The following CLASP2 variants were observed in gnomAD, a reference collection of about 807,000 sequenced individuals.
The protein encoded by CLASP2 is CLIP-associating protein 2.
CLASP2 carries 47 observed loss-of-function variants against 194.4 expected under a neutral mutation model. The observed-to-expected ratio is 0.24, with a 90% CI of 0.19 to 0.31. CLASP2 has a LOEUF of 0.31. CLASP2 is among the 10% of genes least tolerant of loss of function. The pLI, the probability that CLASP2 is intolerant of heterozygous loss-of-function variation, is 1.00. For missense variants in CLASP2, 1,445 were observed against 1,823.6 expected (o/e 0.79, Z 3.78); for synonymous variants, 619 against 633.5 (o/e 0.98, Z 0.34).
chr3:33,698,966 T>TA lies in CLASP2; in HGVS notation c.196-2034dup, dbSNP rs561243774. Among the ~76,000 whole-genome samples, 119 of 152,326 alleles carry TA rather than the reference T, an allele frequency of 7.8e-4. 1 individual carries two copies. In the East Asian group the frequency reaches 0.015, roughly 19 times the overall value. ...ACTGTGATTAATGTAGTAAATGTTC[T>TA]AGTTAAAAGAGCCAACAACATGCAG... On this transcript the variant is annotated intron_variant, in intron 1 of 38. Coordinates refer to ENST00000682230, the MANE Select transcript of CLASP2 (RefSeq NM_001365631.1).
In CLASP2 at chr3:33,715,847, TAAAAA is replaced by T. The variant is rs59528446; in HGVS notation, c.195+1956_195+1960del. 2.7e-3 allele frequency among the ~76,000 whole-genome samples: 170 copies of T among 62,178 alleles called. 1 individual carries two copies. Among genetic ancestry groups the T allele is most frequent in the Middle Eastern group, 0.014 (1 of 72 alleles). 40.8% of individuals were successfully genotyped at this position (62,178 alleles called of 152,430 possible). On this transcript the variant is annotated intron_variant, in intron 1 of 38. Transcript: ENST00000682230. ...TAAGTATGTTTTATTGTATCTTAAG[TAAAAA>T]AAAAAAAAAAAAAAAAAAAAAAAGA...
At chr3:33,655,531 T>G (rs1346486049) in intron 7 of CLASP2, among the ~76,000 whole-genome samples, 1 of 152,174 alleles carries the variant, frequency 6.6e-6, no homozygotes, top group Non-Finnish European at 1.5e-5. Flanking sequence ...GTAATTTACT[T>G]TTTCACCTTA....
chr3:33,586,767 A>G (rs541712285), intron 21 of CLASP2, among the ~76,000 whole-genome samples: 3 of 152,310 alleles, frequency 2.0e-5, no homozygotes, highest in Non-Finnish European at 2.9e-5. Flanking sequence ...ACTTCTACCC[A>G]GTAAGAGGGC....
intron 1 of CLASP2, among the ~76,000 whole-genome samples, chr3:33,707,734 A>G (rs1056243187): frequency 6.6e-6 from 1 of 152,244 alleles, no homozygotes; most frequent in Non-Finnish European, 1.5e-5. Flanking sequence ...TTACCAATTT[A>G]CAGGAAAAAC....
At chr3:33,621,152 G>C (rs2077049658) in intron 11 of CLASP2, among the ~76,000 whole-genome samples, 1 of 151,690 alleles carries the variant, frequency 6.6e-6, no homozygotes, top group African/African-American at 2.4e-5. Context: ...CTCTGCTTAG[G>C]TTCCCCCTTC....
At chr3:33,513,730 T>G (rs1268016468) in intron 36 of CLASP2, among the ~76,000 whole-genome samples, 4 of 152,228 alleles carry the variant, frequency 2.6e-5, no homozygotes, top group Non-Finnish European at 5.9e-5. Context: ...GGTTACATTT[T>G]CCTAATGACT....
In CLASP2 at chr3:33,507,904, GT is replaced by G. The variant is rs1213837592; in HGVS notation, c.4317+2653del. On this transcript the variant is annotated intron_variant, in intron 37 of 38. Coordinates refer to ENST00000682230, the MANE Select transcript of CLASP2 (RefSeq NM_001365631.1). Reference sequence around the variant, plus strand: ...CCGCAACATCTTTTTACCTAACGATGTTGGTGGCTACTGAAAATCACTTCAT... The same window carrying G: ...CCGCAACATCTTTTTACCTAACGATGTGGTGGCTACTGAAAATCACTTCAT... 2.0e-5 allele frequency among the ~76,000 whole-genome samples: 3 copies of G among 151,854 alleles called. No individual in the cohort carries two copies. The South Asian group carries it at 6.2e-4, about 31-fold the overall frequency.
intron 12 of CLASP2, among the ~76,000 whole-genome samples, chr3:33,618,108 CTGGCTAATTT>C (rs1281404598): frequency 4.3e-4 from 65 of 151,584 alleles, no homozygotes; most frequent in Non-Finnish European, 8.2e-4. Flanking sequence ...GCCACCATGC[CTGGCTAATTT>C]TGTATTTTTA....
At chr3:33,653,024 C>G (rs1027450195) in intron 7 of CLASP2, among the ~76,000 whole-genome samples, 1 of 152,150 alleles carries the variant, frequency 6.6e-6, no homozygotes, top group African/African-American at 2.4e-5. Context: ...TGACTTCTTT[C>G]CAAACCACAA....
rs2074421701 is a variant in CLASP2 at position 33,608,668 on chromosome 3, G to C, written c.1389-42C>G. ...GAATGATAACTAAATGTTGTATTGA[G>C]AAATACATTAACACTTTCTTTTATA... On this transcript the variant is annotated intron_variant, in intron 13 of 38. Coordinates refer to ENST00000682230, the MANE Select transcript of CLASP2 (RefSeq NM_001365631.1). The C allele has an allele frequency of 6.3e-6, 8 of 1,274,598 alleles. No homozygotes were observed. In the East Asian group the frequency reaches 2.1e-4, roughly 34 times the overall value. The allele number at this position is 1,274,598 out of a possible 1,614,324, so 79.0% of individuals were successfully genotyped here. A position where few individuals can be genotyped will look rare whatever the true frequency, so the allele number is the denominator to read the frequency against.
chr3:33,604,285 G>A (rs2073148616), intron 16 of CLASP2, 76 bp from the exon 17 acceptor site: 1 of 907,912 alleles, frequency 1.1e-6, no homozygotes, highest in Non-Finnish European at 1.7e-6. Context: ...AAATACTACT[G>A]AATTTTGTGG....
At chr3:33,584,075 A>C (rs1244623934) in intron 22 of CLASP2, among the ~76,000 whole-genome samples, 1 of 152,206 alleles carries the variant, frequency 6.6e-6, no homozygotes, top group South Asian at 2.1e-4. Flanking sequence ...AAAGTATCCT[A>C]ATCAATACAC....
At chr3:33,560,995 T>C (rs1356648401) in intron 27 of CLASP2, 24 bp from the exon 28 acceptor site, 16 of 1,600,350 alleles carry the variant, frequency 1.0e-5, no homozygotes, top group Non-Finnish European at 1.1e-5. Context: ...AGGGGAGAGG[T>C]AGGGAGAAAA....
chr3:33,684,319 G>A (rs770949177), intron 6 of CLASP2, 40 bp downstream of exon 6: 4 of 1,087,072 alleles, frequency 3.7e-6, no homozygotes, highest in East Asian at 2.6e-5. Flanking sequence ...TAAAACTAGT[G>A]GTGAAAAAAA....
At chr3:33,669,613 G>A (rs1340409972) in intron 6 of CLASP2, among the ~76,000 whole-genome samples, 1 of 151,534 alleles carries the variant, frequency 6.6e-6, no homozygotes, top group Non-Finnish European at 1.5e-5. Context: ...CAAGAGGCCT[G>A]AAAAGAACAC....
intron 7 of CLASP2, among the ~76,000 whole-genome samples, chr3:33,647,750 G>A (rs1330301642): frequency 6.6e-6 from 1 of 152,152 alleles, no homozygotes; most frequent in Non-Finnish European, 1.5e-5. Flanking sequence ...AGAAGAGTAA[G>A]TAGGCCGGGC....
chr3:33,639,909 G>A (rs1358580358), intron 8 of CLASP2, among the ~76,000 whole-genome samples: 1 of 152,212 alleles, frequency 6.6e-6, no homozygotes, highest in Non-Finnish European at 1.5e-5. Flanking sequence ...AGTGGGTCAA[G>A]CACTGAGTTC....
intron 26 of CLASP2, among the ~76,000 whole-genome samples, chr3:33,568,468 C>CCT (rs1560072348): frequency 7.8e-6 from 1 of 129,028 alleles, no homozygotes; most frequent in African/African-American, 2.6e-5. Context: ...GCATGAGAAT[C>CCT]GCTTGAACCC....
chr3:33,623,442 G>A (rs2077450907), intron 10 of CLASP2, among the ~76,000 whole-genome samples: 1 of 151,334 alleles, frequency 6.6e-6, no homozygotes, highest in South Asian at 2.1e-4. Flanking sequence ...ACCTTTCTCA[G>A]TCCATGGTAA....
Sources: allele counts gnomAD v4.1 joint callset (sites outside exome capture counted in the v4.1 genomes callset), GRCh38; gene constraint gnomAD v4.1.1; transcripts MANE v1.5; gene names NCBI Gene and HGNC (gene_info 2026-07-23, HGNC 2026-07-21).